Variants in SOX5 observed in about 807,000 individuals in gnomAD.
SOX5 encodes the protein SRY-box transcription factor 5, also known as transcription factor SOX-5.
Under a neutral mutation model 92.0 loss-of-function variants are expected in SOX5, and 9 were observed. That is an observed-to-expected ratio of 0.10 (90% CI 0.06 to 0.17). SOX5 has a LOEUF of 0.17. Ranked by LOEUF, SOX5 falls within the 10% of genes least tolerant of loss-of-function variation. SOX5 has a pLI of 1.00. For missense variants in SOX5, 642 were observed against 944.5 expected, an observed-to-expected ratio of 0.68 and a Z score of 4.20; for synonymous variants, 344 against 336.3, an observed-to-expected ratio of 1.02 and a Z score of -0.25.
At chr12:23,965,396 C>G (rs948669327) in intron 4 of SOX5, among the ~76,000 whole-genome samples, 1 of 152,090 alleles carries the variant, frequency 6.6e-6, no homozygotes, top group South Asian at 2.1e-4. Context: ...TCTGATCCTG[C>G]CTCCTCCACA....
intron 4 of SOX5, among the ~76,000 whole-genome samples, chr12:24,150,583 G>A (rs2138821735): frequency 6.6e-6 from 1 of 152,168 alleles, no homozygotes; most frequent in East Asian, 1.9e-4. Context: ...ACGCCCAACA[G>A]AACCGGCAAG....
chr12:23,991,579 T>A (rs2136266917), intron 4 of SOX5, among the ~76,000 whole-genome samples: 1 of 152,140 alleles, frequency 6.6e-6, no homozygotes, highest in South Asian at 2.1e-4. Flanking sequence ...AAATAACGAA[T>A]TATACATTTG....
At chr12:24,020,826 C>T (rs758404408) in intron 4 of SOX5, among the ~76,000 whole-genome samples, 7 of 152,180 alleles carry the variant, frequency 4.6e-5, no homozygotes, top group Admixed American at 1.3e-4. Context: ...ACCTGAGAGA[C>T]GGCACAGTCA....
chr12:23,968,504 G>A (rs117542567), intron 4 of SOX5, among the ~76,000 whole-genome samples: 2 of 152,114 alleles, frequency 1.3e-5, no homozygotes, highest in South Asian at 4.1e-4. Flanking sequence ...TGTTATCACG[G>A]GAGTGGGTTT....
chr12:23,895,210 A>C (rs1039417642), intron 2 of SOX5, among the ~76,000 whole-genome samples: 13 of 147,148 alleles, frequency 8.8e-5, no homozygotes, highest in African/African-American at 1.2e-4. Flanking sequence ...ATAGGATGCA[A>C]AAAAAAAAAA....
chr12:23,739,476 G>T (rs187410923), intron 5 of SOX5, among the ~76,000 whole-genome samples: 1 of 152,158 alleles, frequency 6.6e-6, no homozygotes, highest in Admixed American at 6.5e-5. Flanking sequence ...ATATTAGAAC[G>T]ATTACTTTTC....
Position 23,596,570 on chromosome 12 carries a change from C to T in SOX5, c.1164+7817G>A, listed in dbSNP as rs140236198. On this transcript the variant is annotated intron_variant, in intron 9 of 14. Coordinates refer to ENST00000451604, the MANE Select transcript of SOX5 (RefSeq NM_006940.6). ...AACCAAACAGTTCCAGTACAGGTGA[C>T]GGCTAAAGTGATAAAAAGGAGTTGA... Among the ~76,000 whole-genome samples, 19 of 152,178 alleles carry T rather than the reference C, an allele frequency of 1.2e-4. No individual in the cohort carries two copies. In the East Asian group the frequency reaches 1.9e-3, roughly 15 times the overall value.
chr12:24,294,193 G>T (rs1487282414), intron 2 of SOX5, among the ~76,000 whole-genome samples: 2 of 151,954 alleles, frequency 1.3e-5, no homozygotes, highest in Admixed American at 1.3e-4. Flanking sequence ...AATGACCAGT[G>T]CTGGGACCTC....
At chr12:24,092,536 C>T (rs1185399351) in intron 4 of SOX5, among the ~76,000 whole-genome samples, 2 of 152,166 alleles carry the variant, frequency 1.3e-5, no homozygotes, top group African/African-American at 4.8e-5. Flanking sequence ...CCCAAGAAGC[C>T]TGCAGACTCT....
rs148603572 is a variant in SOX5, at chr12:23,808,285, C to T, written c.481+37698G>A. Among the ~76,000 whole-genome samples the T allele has an allele frequency of 8.5e-4, 130 of 152,084 alleles. 1 individual carries two copies. Among genetic ancestry groups the T allele is most frequent in the Non-Finnish European group, 1.4e-3 (94 of 67,974 alleles). ...CTTTCCCACGATCCTTTGTAATGTC[C>T]CTTCCCACCCCACCATCTCTCACTT... On this transcript the variant is annotated intron_variant, in intron 3 of 14. Coordinates refer to ENST00000451604, the MANE Select transcript of SOX5 (RefSeq NM_006940.6).
At chr12:24,312,489 C>T (rs939157334) in intron 2 of SOX5, among the ~76,000 whole-genome samples, 1 of 152,098 alleles carries the variant, frequency 6.6e-6, no homozygotes, top group African/African-American at 2.4e-5. Flanking sequence ...TTTGTTTACT[C>T]ACTTCTGTAT....
intron 8 of SOX5, among the ~76,000 whole-genome samples, chr12:23,619,072 A>T (rs1040353120): frequency 6.6e-6 from 1 of 152,148 alleles, no homozygotes; most frequent in Admixed American, 6.6e-5. Context: ...TTTTGCTGTT[A>T]TTACTAACAA....
At chr12:24,360,756 G>T (rs537986048) in intron 2 of SOX5, among the ~76,000 whole-genome samples, 1 of 152,174 alleles carries the variant, frequency 6.6e-6, no homozygotes, top group East Asian at 1.9e-4. Context: ...TGGGTCGCAA[G>T]ATCCAGACTG....
chr12:23,949,616 A>G lies in SOX5; in HGVS notation c.-15T>C. ...TCAGTAAGCATGCTGGAAAAGCACA[A>G]TTTCCCTTTGTCACAGCAGCCACCT... On this transcript the variant is annotated 5_prime_UTR_variant, in exon 1 of 15. Transcript: ENST00000451604. 1.2e-6 allele frequency: 2 copies of G among 1,613,558 alleles called. No individual in the cohort carries two copies. The highest frequency in any genetic ancestry group is 2.2e-5 in the East Asian group (1 of 44,854).
At chr12:23,987,741 T>A (rs1950188164) in intron 4 of SOX5, among the ~76,000 whole-genome samples, 1 of 152,176 alleles carries the variant, frequency 6.6e-6, no homozygotes, top group Non-Finnish European at 1.5e-5. Context: ...TGCAGCGAGC[T>A]GCGATCAGGC....
intron 4 of SOX5, among the ~76,000 whole-genome samples, chr12:23,988,210 G>T (rs183767768): frequency 9.3e-4 from 141 of 152,222 alleles, no homozygotes; most frequent in Non-Finnish European, 1.6e-3. Flanking sequence ...AGGAAAAAAT[G>T]AAGAGTTCTA....
At chr12:23,655,673 G>A (rs1018976249) in intron 7 of SOX5, among the ~76,000 whole-genome samples, 1 of 152,066 alleles carries the variant, frequency 6.6e-6, no homozygotes, top group Admixed American at 6.6e-5. Flanking sequence ...AGGGTCTGAG[G>A]TTCACAGGTG....
At chr12:23,976,406 C>CAAAAAAAA (rs869250917) in intron 4 of SOX5, among the ~76,000 whole-genome samples, 626 of 37,328 alleles carry the variant, frequency 0.017, 1 homozygote, top group Middle Eastern at 0.025. Flanking sequence ...AACAAAAAAA[C>CAAAAAAAA]AAAAAAAAAA....
At chr12:23,889,202 T>C (rs1372977474) in intron 2 of SOX5, among the ~76,000 whole-genome samples, 2 of 152,304 alleles carry the variant, frequency 1.3e-5, no homozygotes, top group African/African-American at 4.8e-5. Context: ...CACACTGGTT[T>C]AACAACAATA....
Sources: allele counts gnomAD v4.1 joint callset (sites outside exome capture counted in the v4.1 genomes callset), GRCh38; gene constraint gnomAD v4.1.1; transcripts MANE v1.5; gene names NCBI Gene and HGNC (gene_info 2026-07-23, HGNC 2026-07-21).